The following BBS4 variants were observed in gnomAD, a reference collection of about 807,000 sequenced individuals.
The protein encoded by BBS4 is Bardet-Biedl syndrome 4.
Under a neutral mutation model 71.4 loss-of-function variants are expected in BBS4, and 58 were observed. That is an observed-to-expected ratio of 0.81 (90% confidence interval 0.66 to 1.01). The LOEUF is 1.01. Ranked by LOEUF, BBS4 falls within the 50% of genes least tolerant of loss-of-function variation. The pLI is 0.00. For missense variants in BBS4, 660 were observed against 607.9 expected (o/e 1.09, Z -0.90); for synonymous variants, 228 against 216.8 (o/e 1.05, Z -0.46).
At chr15:72,693,274 T>C (rs2065019240) in intron 1 of BBS4, among the ~76,000 whole-genome samples, 1 of 152,228 alleles carries the variant, frequency 6.6e-6, no homozygotes. Context: ...ACCAATTCCT[T>C]TGCTTATTCC....
chr15:72,729,247 GTTTTTT>G (rs141392671), intron 9 of BBS4, among the ~76,000 whole-genome samples: 2 of 84,960 alleles, frequency 2.4e-5, no homozygotes, highest in Admixed American at 1.5e-4. Context: ...TGGCCAGACT[GTTTTTT>G]TTTTTTTTTT....
In BBS4 at chr15:72,737,953, T is replaced by G; in HGVS notation, c.*366T>G. 2.2e-6 allele frequency: 1 copy of G among 455,278 alleles called. No homozygotes were observed. The allele number at this position is 455,278 out of a possible 1,614,324, so 28.2% of individuals were successfully genotyped here. On this transcript the variant is annotated 3_prime_UTR_variant, in exon 16 of 16. Coordinates refer to ENST00000268057, the MANE Select transcript of BBS4 (RefSeq NM_033028.5). ...CTCCTTCCTTAGTTCAAGGAACAGC[T>G]GAGACAGACCTCTGCTGAGTAGCTC... is the stretch of plus-strand genomic sequence containing the variant.
chr15:72,686,688 G>A lies in BBS4; in HGVS notation c.24+437G>A. On this transcript the variant is annotated intron_variant, in intron 1 of 15. Transcript: ENST00000268057. ...AGCGGGACTGTGTTTTTTCTGTGGT[G>A]ATTAAGTTTAGGAAAGTACGGTTTT... 6.5e-6 allele frequency: 5 copies of A among 769,818 alleles called. No homozygotes were observed. In the South Asian group the frequency reaches 7.5e-5, roughly 12 times the overall value. The allele number at this position is 769,818 out of a possible 1,614,324, so 47.7% of individuals were successfully genotyped here.
intron 2 of BBS4, among the ~76,000 whole-genome samples, chr15:72,701,066 T>TTAAGGTA (rs752802582): frequency 7.2e-5 from 11 of 152,278 alleles, no homozygotes; most frequent in Admixed American, 2.6e-4. Flanking sequence ...ACCATCTAGA[T>TTAAGGTA]TAAGGTATAG....
At chr15:72,689,783 TA>T (rs1283009639) in intron 1 of BBS4, among the ~76,000 whole-genome samples, 2 of 97,070 alleles carry the variant, frequency 2.1e-5, no homozygotes, top group African/African-American at 4.4e-5. Flanking sequence ...TAAATCTTTT[TA>T]TTTATTTATT....
At chr15:72,694,996 C>A (rs2065050027) in intron 1 of BBS4, among the ~76,000 whole-genome samples, 181 bp from the exon 2 acceptor site, 1 of 152,090 alleles carries the variant, frequency 6.6e-6, no homozygotes, top group African/African-American at 2.4e-5. Context: ...GTTTGGATAG[C>A]AAAAGTATGA....
intron 3 of BBS4, 130 bp downstream of exon 3, chr15:72,709,909 A>C (rs2065335288): frequency 2.6e-6 from 2 of 776,776 alleles, no homozygotes; most frequent in South Asian, 2.9e-5. Context: ...CCCATACTTC[A>C]TACACTGGTT....
intron 1 of BBS4, among the ~76,000 whole-genome samples, chr15:72,693,905 A>G (rs957908860): frequency 1.3e-5 from 2 of 151,284 alleles, no homozygotes; most frequent in Non-Finnish European, 1.5e-5. Flanking sequence ...TTTTTTTGAA[A>G]TGGAGTTTTG....
chr15:72,733,764 T>C (rs1168199692), intron 12 of BBS4, among the ~76,000 whole-genome samples: 2 of 152,222 alleles, frequency 1.3e-5, no homozygotes, highest in Admixed American at 6.5e-5. Context: ...GGCAGAACGA[T>C]TTACATTCCT....
intron 3 of BBS4, among the ~76,000 whole-genome samples, chr15:72,711,078 G>A (rs1300216463): frequency 6.7e-6 from 1 of 148,262 alleles, no homozygotes; most frequent in African/African-American, 2.5e-5. Flanking sequence ...TGGGATTACA[G>A]GCGTGAGCCA....
At chr15:72,729,115 T>G (rs1595943755) in intron 9 of BBS4, among the ~76,000 whole-genome samples, 2 of 150,016 alleles carry the variant, frequency 1.3e-5, no homozygotes, top group Non-Finnish European at 1.5e-5. Context: ...AAACCATGAC[T>G]GGGGATTTTT....
chr15:72,729,800 G>T, intron 10 of BBS4, 116 bp downstream of exon 10: 1 of 839,390 alleles, frequency 1.2e-6, no homozygotes, highest in East Asian at 2.5e-5. Flanking sequence ...CTGAGAAATA[G>T]AAAAAATATA....
intron 3 of BBS4, among the ~76,000 whole-genome samples, chr15:72,710,774 C>A (rs1317595287): frequency 6.6e-6 from 1 of 151,690 alleles, no homozygotes; most frequent in Non-Finnish European, 1.5e-5. Flanking sequence ...ACTGGTATGA[C>A]AAAGATTCAT....
intron 7 of BBS4, among the ~76,000 whole-genome samples, chr15:72,724,036 G>A (rs1754438192): frequency 6.6e-6 from 1 of 152,174 alleles, no homozygotes; most frequent in Non-Finnish European, 1.5e-5. Flanking sequence ...CAAGGAGTTG[G>A]TTTTATAAAC....
At chr15:72,719,229 C>T (rs1820146857) in intron 6 of BBS4, among the ~76,000 whole-genome samples, 1 of 150,412 alleles carries the variant, frequency 6.6e-6, no homozygotes, top group African/African-American at 2.4e-5. Context: ...ATCCCTGGAA[C>T]ATCCCTGGAT....
rs886051466 is a variant in BBS4 at position 72,724,656 on chromosome 15, G to A, written c.587+1G>A. 2 of 1,613,924 alleles carry A rather than the reference G, an allele frequency of 1.2e-6. No individual in the cohort carries two copies. Among genetic ancestry groups the A allele is most frequent in the East Asian group, 4.5e-5 (2 of 44,864 alleles). On this transcript the variant is annotated splice_donor_variant, in intron 8 of 15. Transcript: ENST00000268057. LOFTEE classifies it high-confidence loss of function. ...TTGAAGTCTACAAGAAAGCAGTGGA[G>A]TAAGTGTATCTGTTTCCTTTAAAAC...
intron 14 of BBS4, among the ~76,000 whole-genome samples, chr15:72,736,182 T>C (rs115329641): frequency 0.011 from 1,607 of 151,868 alleles, 21 homozygotes; most frequent in African/African-American, 0.036. Flanking sequence ...TTGTTATTGC[T>C]AATTCAACTC....
At chr15:72,737,406 C>G in intron 15 of BBS4, 72 bp from the exon 16 acceptor site, 1 of 1,363,180 alleles carries the variant, frequency 7.3e-7, no homozygotes, top group Non-Finnish European at 1.0e-6. Context: ...CTCTTGAACT[C>G]TAACAGCAAA....
Position 72,724,487 on chromosome 15 carries a change from T to A in BBS4, c.460-41T>A, listed in dbSNP as rs113074508. ...CCATATAAAGGTATAGTTCGTTCAG[T>A]GGTAGTGATTTGGTTTTCTTTATTT... On this transcript the variant is annotated intron_variant, in intron 7 of 15. Coordinates refer to ENST00000268057, the MANE Select transcript of BBS4 (RefSeq NM_033028.5). 1.3e-3 allele frequency: 2,039 copies of A among 1,611,916 alleles called. 3 individuals are homozygous for A. Among genetic ancestry groups the A allele is most frequent in the Middle Eastern group, 2.8e-3 (17 of 6,052 alleles).
Sources: gnomAD v4.1 joint callset for allele counts (sites outside exome capture counted in the v4.1 genomes callset) on GRCh38, gnomAD v4.1.1 for gene constraint, MANE v1.5 for transcripts, NCBI Gene and HGNC (gene_info 2026-07-23, HGNC 2026-07-21) for gene names.